The following LEKR1 variants were observed in gnomAD, a reference collection of about 807,000 sequenced individuals.
The protein encoded by LEKR1 is leucine, glutamate and lysine rich 1.
LEKR1 carries 59 observed loss-of-function variants against 72.4 expected under a neutral mutation model. The ratio of observed to expected loss-of-function variants is 0.82; its 90% CI spans 0.66 to 1.01. The LOEUF (loss-of-function observed/expected upper bound fraction) is 1.01. Among genes scored for constraint, LEKR1 ranks in the 50% least tolerant of loss-of-function variants. The pLI, the probability that LEKR1 is intolerant of heterozygous loss-of-function variation, is 0.00. For synonymous variants in LEKR1, 257 were observed against 263.2 expected, an observed-to-expected ratio of 0.98 and a Z score of 0.23; for missense variants, 728 against 759.2, an observed-to-expected ratio of 0.96 and a Z score of 0.48.
At chr3:156,858,375 A>T (rs1477068017) in intron 3 of LEKR1, among the ~76,000 whole-genome samples, 16 of 152,120 alleles carry the variant, frequency 1.1e-4, no homozygotes, top group Admixed American at 1.0e-3. Context: ...TTCCTTTTTA[A>T]AATTTATATT....
In LEKR1 at chr3:156,864,967, C is replaced by T. The variant is rs142081924; in HGVS notation, c.263+11985C>T. 7.0e-4 allele frequency among the ~76,000 whole-genome samples: 107 copies of T among 152,090 alleles called. 1 individual carries two copies. The highest frequency in any genetic ancestry group is 6.8e-3 in the Middle Eastern group (2 of 294). On this transcript the variant is annotated intron_variant, in intron 3 of 12. Transcript: ENST00000356539. ...CAGTTGCTTTTATTCAGCCCTGAAG[C>T]TTTAGTTACCCTCTCTTGAGGTAGG...
intron 5 of LEKR1, among the ~76,000 whole-genome samples, chr3:156,928,150 A>AGCTGTC (rs1292828925): frequency 6.6e-6 from 1 of 152,040 alleles, no homozygotes; most frequent in Admixed American, 6.6e-5. Flanking sequence ...CAGACAGAGG[A>AGCTGTC]TAAATGAGAA....
chr3:156,917,745 G>T (rs1723789221), intron 3 of LEKR1, among the ~76,000 whole-genome samples: 2 of 152,108 alleles, frequency 1.3e-5, no homozygotes, highest in Non-Finnish European at 2.9e-5. Flanking sequence ...TGGATGATTT[G>T]CTCCTAGGAG....
chr3:156,845,309 GT>G (rs1053202183), intron 2 of LEKR1, among the ~76,000 whole-genome samples: 6 of 151,730 alleles, frequency 4.0e-5, no homozygotes, highest in Non-Finnish European at 8.8e-5. Flanking sequence ...TCTTTGCAAG[GT>G]CTTTTACAGA....
intron 7 of LEKR1, among the ~76,000 whole-genome samples, chr3:156,984,448 G>A (rs1349486828): frequency 1.3e-5 from 2 of 152,102 alleles, no homozygotes; most frequent in African/African-American, 4.8e-5. Flanking sequence ...AGGCTGAGGC[G>A]GGTGGATCAC....
intron 5 of LEKR1, among the ~76,000 whole-genome samples, chr3:156,932,699 C>G (rs547309218): frequency 1.7e-4 from 16 of 96,006 alleles, no homozygotes; most frequent in African/African-American, 6.7e-4. Context: ...GAGTGAGACT[C>G]TGTCTCAAAA....
At chr3:156,832,095 A>G (rs545118100) in intron 2 of LEKR1, among the ~76,000 whole-genome samples, 2 of 152,288 alleles carry the variant, frequency 1.3e-5, no homozygotes, top group African/African-American at 4.8e-5. Flanking sequence ...AATTGTTGGT[A>G]TGTATTCATG....
intron 3 of LEKR1, among the ~76,000 whole-genome samples, chr3:156,893,642 T>A (rs1720884962): frequency 6.6e-6 from 1 of 152,178 alleles, no homozygotes; most frequent in Admixed American, 6.5e-5. Context: ...ATGAGATGCC[T>A]GCTCCCCCTT....
chr3:156,967,313 G>A (rs139288034), intron 6 of LEKR1, among the ~76,000 whole-genome samples: 10,819 of 152,044 alleles, frequency 0.071, 487 homozygotes, highest in African/African-American at 0.12. Context: ...GGCTTCAGAC[G>A]ATCAAACTAC....
At chr3:156,872,665 A>T in intron 3 of LEKR1, among the ~76,000 whole-genome samples, 1 of 151,984 alleles carries the variant, frequency 6.6e-6, no homozygotes, top group East Asian at 1.9e-4. Context: ...TGTTTCAAAG[A>T]AGTTTTTTAT....
At chr3:156,930,770 A>G (rs1725158495) in intron 5 of LEKR1, among the ~76,000 whole-genome samples, 1 of 152,108 alleles carries the variant, frequency 6.6e-6, no homozygotes. Flanking sequence ...TACTTATATA[A>G]TCAATTGACT....
At chr3:157,037,798 G>T (rs1025147525) in intron 12 of LEKR1, among the ~76,000 whole-genome samples, 1 of 152,176 alleles carries the variant, frequency 6.6e-6, no homozygotes, top group Non-Finnish European at 1.5e-5. Context: ...TATTAGATGG[G>T]GTAGTAAGAG....
chr3:156,853,373 T>G (rs897296524), intron 3 of LEKR1: 1 of 153,088 alleles, frequency 6.5e-6, no homozygotes, highest in African/African-American at 2.4e-5. Flanking sequence ...GGCTTTCATG[T>G]TTTGAAAAAG....
intron 12 of LEKR1, among the ~76,000 whole-genome samples, chr3:157,035,969 C>T (rs1037507422): frequency 6.6e-6 from 1 of 152,096 alleles, no homozygotes; most frequent in Non-Finnish European, 1.5e-5. Context: ...TGGCTATATC[C>T]ATGTTCAGTC....
intron 3 of LEKR1, among the ~76,000 whole-genome samples, chr3:156,881,285 A>G (rs2108552018): frequency 6.6e-6 from 1 of 152,110 alleles, no homozygotes; most frequent in East Asian, 1.9e-4. Context: ...TTAACCTGAT[A>G]AGCAACTTCA....
At chr3:157,045,274 G>A (rs971661452) in intron 12 of LEKR1, 66 bp from the exon 13 acceptor site, 28 of 1,324,760 alleles carry the variant, frequency 2.1e-5, no homozygotes, top group African/African-American at 1.0e-4. Context: ...TGTATTGTCC[G>A]TAACTATCTA....
intron 12 of LEKR1, among the ~76,000 whole-genome samples, chr3:157,031,622 G>A (rs1429936349): frequency 2.0e-5 from 3 of 152,134 alleles, no homozygotes; most frequent in East Asian, 1.9e-4. Context: ...AGCATGTAAA[G>A]TGAAAAGCAC....
At chr3:156,969,821 AAAG>A (rs1295724383) in intron 6 of LEKR1, among the ~76,000 whole-genome samples, 3 of 152,216 alleles carry the variant, frequency 2.0e-5, no homozygotes, top group Non-Finnish European at 4.4e-5. Context: ...CACAACAAAA[AAAG>A]AGAATTTTCG....
chr3:156,996,791 A>T (rs1284966701), intron 9 of LEKR1, among the ~76,000 whole-genome samples: 1 of 152,144 alleles, frequency 6.6e-6, no homozygotes, highest in Non-Finnish European at 1.5e-5. Context: ...TCATTCGGGC[A>T]TGGTGGTTCA....
Sources: allele counts gnomAD v4.1 joint callset (sites outside exome capture counted in the v4.1 genomes callset), GRCh38; gene constraint gnomAD v4.1.1; transcripts MANE v1.5; gene names NCBI Gene and HGNC (gene_info 2026-07-23, HGNC 2026-07-21).